PRAP1: variants seen among roughly 807,000 people sequenced by gnomAD.
The protein encoded by PRAP1 is proline-rich acidic protein 1.
In PRAP1, 12 loss-of-function variants were observed where a neutral mutation model predicts 14.6. The ratio of observed to expected loss-of-function variants is 0.82; its 90% CI spans 0.53 to 1.33. The LOEUF (loss-of-function observed/expected upper bound fraction) is 1.33. Among genes scored for constraint, PRAP1 ranks in the 40% most tolerant of loss-of-function variants. The pLI, the probability that PRAP1 is intolerant of heterozygous loss-of-function variation, is 0.00. For missense variants in PRAP1, 160 were observed against 193.7 expected (o/e 0.83, Z 1.03); for synonymous variants, 81 against 80.3 (o/e 1.01, Z -0.04).
chr10:133,351,729 A>C lies in PRAP1; in HGVS notation c.129-278A>C, dbSNP rs1193666089. 6.6e-6 allele frequency among the ~76,000 whole-genome samples: 1 copy of C among 152,168 alleles called. No individual in the cohort carries two copies. The highest frequency in any genetic ancestry group is 1.5e-5 in the Non-Finnish European group (1 of 68,026). On this transcript the variant is annotated intron_variant, in intron 3 of 4. Transcript: ENST00000433452. The surrounding 1 kb of genome is among the most constrained non-coding windows in gnomAD (Gnocchi z 4.3). Reference sequence around the variant, plus strand: ...CTGGTGGCTGTAGCTGGGGCGGCTCAGTCTTGGATCCTGAGGTTCCCCACA... The same window carrying C: ...CTGGTGGCTGTAGCTGGGGCGGCTCCGTCTTGGATCCTGAGGTTCCCCACA...
chr10:133,351,736 G>T lies in PRAP1; in HGVS notation c.129-271G>T, dbSNP rs1848682300. 6.6e-6 allele frequency among the ~76,000 whole-genome samples: 1 copy of T among 152,212 alleles called. No individual in the cohort carries two copies. Among genetic ancestry groups the T allele is most frequent in the Non-Finnish European group, 1.5e-5 (1 of 68,034 alleles). ...CTGTAGCTGGGGCGGCTCAGTCTTG[G>T]ATCCTGAGGTTCCCCACATCCTTGC... is the stretch of plus-strand genomic sequence containing the variant. On this transcript the variant is annotated intron_variant, in intron 3 of 4. Transcript: ENST00000433452. This position sits in a 1 kb window ranked among gnomAD's most constrained non-coding sequence, Gnocchi z 4.3.
Position 133,352,154 on chromosome 10 carries a change from C to A in PRAP1, c.262+14C>A. On this transcript the variant is annotated intron_variant, in intron 4 of 4. Transcript: ENST00000433452. Reference sequence around the variant, plus strand: ...CCATCCTTCCAGGTGGGCACAAGGTCACAGCAGCAGAGTCCGCTCGTGGGG... The same window carrying A: ...CCATCCTTCCAGGTGGGCACAAGGTAACAGCAGCAGAGTCCGCTCGTGGGG... The A allele has an allele frequency of 1.9e-6, 3 of 1,612,794 alleles. No individual in the cohort carries two copies. The highest frequency in any genetic ancestry group is 2.5e-6 in the Non-Finnish European group (3 of 1,179,842).
chr10:133,351,310 A>G lies in PRAP1; in HGVS notation c.76-71A>G. The G allele has an allele frequency of 7.9e-7, 1 of 1,259,594 alleles. No homozygotes were observed. 78.0% of individuals were successfully genotyped at this position (1,259,594 alleles called of 1,614,324 possible). A position where few individuals can be genotyped will look rare whatever the true frequency, so the allele number is the denominator to read the frequency against. On this transcript the variant is annotated intron_variant, in intron 2 of 4. Transcript: ENST00000433452. The surrounding 1 kb of genome is among the most constrained non-coding windows in gnomAD (Gnocchi z 4.3). ...CCATGCAGCCCCAGGTGGGCCTCGG[A>G]GCAACCTCTCCCCAGGTGTCCTCCA...
chr10:133,351,831 A>G lies in PRAP1; in HGVS notation c.129-176A>G, dbSNP rs1294528126. 1.3e-5 allele frequency among the ~76,000 whole-genome samples: 2 copies of G among 152,182 alleles called. No homozygotes were observed. Among genetic ancestry groups the G allele is most frequent in the Non-Finnish European group, 2.9e-5 (2 of 68,014 alleles). ...GCAGCCACCCAGGGACGTGGTGTGG[A>G]AGCCTGGCCGGGAGCACTGGGGGCC... On this transcript the variant is annotated intron_variant, in intron 3 of 4. Transcript: ENST00000433452. This position sits in a 1 kb window ranked among gnomAD's most constrained non-coding sequence, Gnocchi z 4.3.
In PRAP1 at chr10:133,347,519, G is replaced by A. The variant is rs1012296545; in HGVS notation, c.8+94G>A. ...GGGGGCCCAGCTGTGCTGCGCTCCAGGGGGCCTGGTTCAGGGGAGTGTGCG... is the reference window on the plus strand; with the variant it reads ...GGGGGCCCAGCTGTGCTGCGCTCCAAGGGGCCTGGTTCAGGGGAGTGTGCG... On this transcript the variant is annotated intron_variant, in intron 1 of 4. Transcript: ENST00000433452. This position sits in a 1 kb window ranked among gnomAD's most constrained non-coding sequence, Gnocchi z 5.0. The A allele has an allele frequency of 1.5e-6, 2 of 1,302,638 alleles. No individual in the cohort carries two copies. The highest frequency in any genetic ancestry group is 2.9e-5 in the African/African-American group (2 of 68,354). 80.7% of individuals were successfully genotyped at this position (1,302,638 alleles called of 1,614,324 possible).
intron 1 of PRAP1, 65 bp from the exon 2 acceptor site, chr10:133,350,030 T>TGCTGCCTGGAGTTCAGGGC (rs145120134): frequency 0.029 from 41,760 of 1,452,430 alleles, 1,839 homozygotes; most frequent in African/African-American, 0.19. Context: ...CCCATCAGGG[T>TGCTGCCTGGAGTTCAGGGC]GCTGCCTGGA....
In PRAP1 at chr10:133,351,895, G is replaced by C; in HGVS notation, c.129-112G>C. On this transcript the variant is annotated intron_variant, in intron 3 of 4. Transcript: ENST00000433452. The surrounding 1 kb of genome is among the most constrained non-coding windows in gnomAD (Gnocchi z 4.3). ...TCTTGAGAGAGAGGCTTGTCCTGGG[G>C]CTGCTGGTGGTGGGGCTGGAGTGGC... 1 of 1,381,654 alleles carries C rather than the reference G, an allele frequency of 7.2e-7. No homozygotes were observed. Among genetic ancestry groups the C allele is most frequent in the South Asian group, 1.3e-5 (1 of 74,678 alleles). The allele number at this position is 1,381,654 out of a possible 1,614,324, so 85.6% of individuals were successfully genotyped here. A position where few individuals can be genotyped will look rare whatever the true frequency, so the allele number is the denominator to read the frequency against.
intron 1 of PRAP1, among the ~76,000 whole-genome samples, chr10:133,348,986 T>TGA: frequency 6.6e-6 from 1 of 151,902 alleles, no homozygotes; most frequent in Non-Finnish European, 1.5e-5. Flanking sequence ...GCAGCCCTGC[T>TGA]GAGCCCTGTA....
In PRAP1 at chr10:133,351,408, T is replaced by C. The variant is rs777658930; in HGVS notation, c.103T>C (p.Trp35Arg). The part of the protein sequence containing the change: ...KVPIKMQVKH[W>R]PSEQDPEKAW... ...CCCTATCAAGATGCAAGTCAAACAC[T>C]GGCCCTCAGAGCAGGACCCAGAGAA... The change falls in exon 3 of 5, where the codon TGG becomes CGG. Residue 35 changes from tryptophan to arginine, a missense_variant. Coordinates refer to ENST00000433452, the MANE Select transcript of PRAP1 (RefSeq NM_145202.5). The surrounding 1 kb of genome is among the most constrained non-coding windows in gnomAD (Gnocchi z 4.3). 1.9e-6 allele frequency: 3 copies of C among 1,611,638 alleles called. No homozygotes were observed. The highest frequency in any genetic ancestry group is 3.3e-5 in the Admixed American group (2 of 59,816).
chr10:133,348,322 C>T (rs1389501622), intron 1 of PRAP1, among the ~76,000 whole-genome samples: 1 of 152,180 alleles, frequency 6.6e-6, no homozygotes, highest in African/African-American at 2.4e-5. Flanking sequence ...GACCAGGTCC[C>T]GGCCCCGGGC....
In PRAP1 at chr10:133,352,272, G is replaced by A; in HGVS notation, c.288G>A (p.Glu96=). ...GCACCAAGGCCTGGATGGAGACCGA[G>A]GACACCCTGGGCCATGTCCTGAGTC... ...LPGTKAWMET[E]DTLGHVLSPE... is the part of the protein sequence containing the mutation. The change falls in exon 5 of 5, where the codon GAG becomes GAA. Residue 96 remains glutamate, a synonymous_variant. Coordinates refer to ENST00000433452, the MANE Select transcript of PRAP1 (RefSeq NM_145202.5). 1 of 1,613,124 alleles carries A rather than the reference G, an allele frequency of 6.2e-7. No individual in the cohort carries two copies. Among genetic ancestry groups the A allele is most frequent in the Non-Finnish European group, 8.5e-7 (1 of 1,179,960 alleles).
rs2133407200 is a variant in PRAP1, at chr10:133,352,005, A to G, written c.129-2A>G. The G allele has an allele frequency of 6.2e-7, 1 of 1,612,234 alleles. No homozygotes were observed. Among genetic ancestry groups the G allele is most frequent in the East Asian group, 2.2e-5 (1 of 44,866 alleles). On this transcript the variant is annotated splice_acceptor_variant, in intron 3 of 4. Coordinates refer to ENST00000433452, the MANE Select transcript of PRAP1 (RefSeq NM_145202.5). LOFTEE classifies it high-confidence loss of function. Reference sequence around the variant, plus strand: ...GTGGACCTGACCAAACTGTGCCAGCAGGGCCTGGGGCGCCCGTGTGGTGGA... The same window carrying G: ...GTGGACCTGACCAAACTGTGCCAGCGGGGCCTGGGGCGCCCGTGTGGTGGA...
In PRAP1 at chr10:133,347,374, C is replaced by T; in HGVS notation, c.-44C>T. On this transcript the variant is annotated 5_prime_UTR_variant, in exon 1 of 5. Coordinates refer to ENST00000433452, the MANE Select transcript of PRAP1 (RefSeq NM_145202.5). This position sits in a 1 kb window ranked among gnomAD's most constrained non-coding sequence, Gnocchi z 5.0. ...GGGTGCCAGATACTGGGATCAGCCA[C>T]TGCAGCTCCCTGAGCACTCTCTACA... The T allele has an allele frequency of 1.9e-6, 3 of 1,612,308 alleles. No homozygotes were observed. The highest frequency in any genetic ancestry group is 2.2e-5 in the East Asian group (1 of 44,832).
rs1848680804 is a variant in PRAP1, at chr10:133,351,649, C to T, written c.128+216C>T. Among the ~76,000 whole-genome samples, 1 of 152,228 alleles carries T rather than the reference C, an allele frequency of 6.6e-6. No individual in the cohort carries two copies. Among genetic ancestry groups the T allele is most frequent in the Non-Finnish European group, 1.5e-5 (1 of 68,042 alleles). On this transcript the variant is annotated intron_variant, in intron 3 of 4. Coordinates refer to ENST00000433452, the MANE Select transcript of PRAP1 (RefSeq NM_145202.5). This position sits in a 1 kb window ranked among gnomAD's most constrained non-coding sequence, Gnocchi z 4.3. ...CACAGCCGGAGGGCTTGGGGCTCCA[C>T]GGTGTCTCCCTACTCAGCTTCCCCA...
chr10:133,351,961 C>G lies in PRAP1; in HGVS notation c.129-46C>G, dbSNP rs760701707. On this transcript the variant is annotated intron_variant, in intron 3 of 4. Transcript: ENST00000433452. This position sits in a 1 kb window ranked among gnomAD's most constrained non-coding sequence, Gnocchi z 4.3. The stretch of plus-strand genomic sequence containing the variant: ...GGCACCCTCCTGCGGGGGGTTCTGT[C>G]CACCTCCCCCACCTGCATGTGGACC... The G allele has an allele frequency of 1.3e-6, 2 of 1,599,330 alleles. No homozygotes were observed. Among genetic ancestry groups the G allele is most frequent in the South Asian group, 1.1e-5 (1 of 89,604 alleles).
Position 133,347,386 on chromosome 10 carries a change from G to A in PRAP1, c.-32G>A, listed in dbSNP as rs374404885. On this transcript the variant is annotated 5_prime_UTR_variant, in exon 1 of 5. Coordinates refer to ENST00000433452, the MANE Select transcript of PRAP1 (RefSeq NM_145202.5). The surrounding 1 kb of genome is among the most constrained non-coding windows in gnomAD (Gnocchi z 5.0). ...CTGGGATCAGCCACTGCAGCTCCCT[G>A]AGCACTCTCTACAGAGACGCGGACC... The A allele has an allele frequency of 1.4e-5, 23 of 1,613,130 alleles. No individual in the cohort carries two copies. The highest frequency in any genetic ancestry group is 1.9e-5 in the Non-Finnish European group (22 of 1,179,586).
chr10:133,351,910 G>C lies in PRAP1; in HGVS notation c.129-97G>C. The C allele has an allele frequency of 6.7e-7, 1 of 1,484,612 alleles. No individual in the cohort carries two copies. Among genetic ancestry groups the C allele is most frequent in the South Asian group, 1.3e-5 (1 of 78,484 alleles). The allele number at this position is 1,484,612 out of a possible 1,614,324, so 92.0% of individuals were successfully genotyped here. On this transcript the variant is annotated intron_variant, in intron 3 of 4. Coordinates refer to ENST00000433452, the MANE Select transcript of PRAP1 (RefSeq NM_145202.5). This position sits in a 1 kb window ranked among gnomAD's most constrained non-coding sequence, Gnocchi z 4.3. ...TTGTCCTGGGGCTGCTGGTGGTGGG[G>C]CTGGAGTGGCTGCCCTGGGATGGTG...
chr10:133,351,423 G>A lies in PRAP1; in HGVS notation c.118G>A (p.Asp40Asn), dbSNP rs1280694827. ...MQVKHWPSEQ[D>N]PEKAWGARVV... ...AGTCAAACACTGGCCCTCAGAGCAG[G>A]ACCCAGAGAAGTAAGTCCCCCCAAC... Residue 40 changes from aspartate (D) to asparagine (N), a missense_variant, in exon 3 of 5, where the codon GAC becomes AAC. Transcript: ENST00000433452. The surrounding 1 kb of genome is among the most constrained non-coding windows in gnomAD (Gnocchi z 4.3). 48 of 1,609,946 alleles carry A rather than the reference G, an allele frequency of 3.0e-5. No homozygotes were observed. The highest frequency in any genetic ancestry group is 3.6e-5 in the Non-Finnish European group (43 of 1,178,250).
Position 133,347,439 on chromosome 10 carries a change from C to G in PRAP1, c.8+14C>G. On this transcript the variant is annotated intron_variant, in intron 1 of 4. Transcript: ENST00000433452. The surrounding 1 kb of genome is among the most constrained non-coding windows in gnomAD (Gnocchi z 5.0). ...AGACATGAGGAGGTAATGCCACCAT[C>G]CCTGAGCCCCAATCCCCACCCCACC... 6.2e-7 allele frequency: 1 copy of G among 1,610,270 alleles called. No homozygotes were observed. Among genetic ancestry groups the G allele is most frequent in the Non-Finnish European group, 8.5e-7 (1 of 1,177,900 alleles).
Sources: allele counts gnomAD v4.1 joint callset (sites outside exome capture counted in the v4.1 genomes callset), GRCh38; gene constraint gnomAD v4.1.1; non-coding constraint Gnocchi (gnomAD v3.1); transcripts MANE v1.5; gene names NCBI Gene and HGNC (gene_info 2026-07-23, HGNC 2026-07-21).